Variants in ATRNL1 observed in about 807,000 individuals in gnomAD.
The protein encoded by ATRNL1 is attractin like 1.
In ATRNL1, 95 loss-of-function variants were observed where a neutral mutation model predicts 182.7. The observed-to-expected ratio is 0.52, with a 90% confidence interval of 0.44 to 0.62. ATRNL1 has a LOEUF of 0.62. Ranked by LOEUF, ATRNL1 falls within the 20% of genes least tolerant of loss-of-function variation. ATRNL1 has a pLI of 0.00. For synonymous variants in ATRNL1, 576 were observed against 568.3 expected, an observed-to-expected ratio of 1.01 and a Z score of -0.19; for missense variants, 1,471 against 1,679.5, an observed-to-expected ratio of 0.88 and a Z score of 2.17.
intron 1 of ATRNL1, among the ~76,000 whole-genome samples, chr10:115,094,938 C>T (rs2084974062): frequency 6.6e-6 from 1 of 152,192 alleles, no homozygotes; most frequent in South Asian, 2.1e-4. Context: ...AATTCACTGT[C>T]AGCTTTTGTG....
chr10:115,471,531 G>T (rs80177897), intron 24 of ATRNL1, among the ~76,000 whole-genome samples: 2 of 150,940 alleles, frequency 1.3e-5, no homozygotes, highest in Non-Finnish European at 3.0e-5. Flanking sequence ...TTTGATAATG[G>T]CCATCATAAC....
chr10:115,483,992 A>C (rs1482212627), intron 24 of ATRNL1, among the ~76,000 whole-genome samples: 1 of 151,574 alleles, frequency 6.6e-6, no homozygotes, highest in Non-Finnish European at 1.5e-5. Context: ...CATTTGTAAG[A>C]ATTTGTAAGA....
At chr10:115,690,178 A>T in intron 26 of ATRNL1, among the ~76,000 whole-genome samples, 1 of 151,932 alleles carries the variant, frequency 6.6e-6, no homozygotes, top group Non-Finnish European at 1.5e-5. Flanking sequence ...GCGCTGTACC[A>T]TCCTTTCCCC....
chr10:115,435,525 G>A (rs1389691759), intron 21 of ATRNL1, among the ~76,000 whole-genome samples: 1 of 152,140 alleles, frequency 6.6e-6, no homozygotes, highest in Admixed American at 6.5e-5. Context: ...TACCCAGTAT[G>A]TGGTATTTTG....
intron 19 of ATRNL1, among the ~76,000 whole-genome samples, chr10:115,366,116 G>A (rs1273846445): frequency 6.6e-6 from 1 of 151,832 alleles, no homozygotes; most frequent in Non-Finnish European, 1.5e-5. Flanking sequence ...TTGACAGTGG[G>A]GTGTTAAAGT....
At position 115,727,292 on chromosome 10, in the gene ATRNL1, T is replaced by G. The variant is rs1228144102; in HGVS notation, c.3840T>G (p.Ala1280=). The change falls in exon 27 of 29, where the codon GCT becomes GCG. Residue 1280 remains alanine (A), a synonymous_variant. Coordinates refer to ENST00000355044, the MANE Select transcript of ATRNL1 (RefSeq NM_207303.4). ...AGCAGATGGCCAGCCGTCCCTTTGC[T>G]TCTGTTGATGTAGCTCTGGAAGTGG... is the stretch of plus-strand genomic sequence containing the variant. ...ERQQMASRPF[A]SVDVALEVGA... 2.5e-6 allele frequency: 4 copies of G among 1,614,050 alleles called. No individual in the cohort carries two copies. In the African/African-American group the frequency reaches 5.3e-5, roughly 22 times the overall value.
intron 28 of ATRNL1, among the ~76,000 whole-genome samples, chr10:115,858,578 G>C (rs1172868418): frequency 1.3e-5 from 2 of 152,174 alleles, no homozygotes; most frequent in Admixed American, 1.3e-4. Context: ...AGGAAAAATA[G>C]CTAATGCATG....
chr10:115,750,535 T>G (rs566646717), intron 27 of ATRNL1, among the ~76,000 whole-genome samples: 1 of 151,942 alleles, frequency 6.6e-6, no homozygotes, highest in South Asian at 2.1e-4. Context: ...TGAATTACTC[T>G]GTAACCTCAG....
intron 21 of ATRNL1, among the ~76,000 whole-genome samples, chr10:115,451,647 C>T (rs678632): frequency 0.096 from 14,646 of 152,016 alleles, 2,338 homozygotes; most frequent in African/African-American, 0.33. Context: ...AGGGAGCACT[C>T]ATACACTGTT....
At chr10:115,228,826 C>T (rs151276469) in intron 9 of ATRNL1, among the ~76,000 whole-genome samples, 1,735 of 146,312 alleles carry the variant, frequency 0.012, 33 homozygotes, top group African/African-American at 0.04. Context: ...AGTGCAGTGG[C>T]ACAATCTCGG....
intron 17 of ATRNL1, among the ~76,000 whole-genome samples, chr10:115,302,574 T>G (rs1853527378): frequency 6.6e-6 from 1 of 152,208 alleles, no homozygotes. Flanking sequence ...ATGCACAGTC[T>G]TGAAATCACA....
chr10:115,914,731 C>T (rs1479791515), intron 28 of ATRNL1, among the ~76,000 whole-genome samples: 5 of 152,118 alleles, frequency 3.3e-5, no homozygotes, highest in African/African-American at 7.2e-5. Context: ...GTTTCTTTTC[C>T]CGATTGTTCA....
At chr10:115,106,878 G>A (rs1050927682) in intron 1 of ATRNL1, among the ~76,000 whole-genome samples, 1 of 152,146 alleles carries the variant, frequency 6.6e-6, no homozygotes, top group Non-Finnish European at 1.5e-5. Flanking sequence ...AATGAATAGA[G>A]ATATATTGGC....
intron 21 of ATRNL1, among the ~76,000 whole-genome samples, chr10:115,448,826 C>G (rs903530950): frequency 4.6e-5 from 7 of 151,840 alleles, no homozygotes; most frequent in Non-Finnish European, 1.0e-4. Context: ...ACTGCAATTA[C>G]TTTTGCTCCA....
At chr10:115,327,423 A>C (rs1199307575) in intron 18 of ATRNL1, among the ~76,000 whole-genome samples, 27 of 152,192 alleles carry the variant, frequency 1.8e-4, no homozygotes, top group Non-Finnish European at 1.3e-4. Context: ...AGTCATTCAA[A>C]AGTCAGGAAA....
intron 28 of ATRNL1, among the ~76,000 whole-genome samples, chr10:115,899,716 T>C (rs1952304306): frequency 6.6e-6 from 1 of 152,202 alleles, no homozygotes; most frequent in East Asian, 1.9e-4. Flanking sequence ...ATAGTGATTG[T>C]CTTGAGACGC....
At chr10:115,360,576 A>G (rs1434165792) in intron 19 of ATRNL1, among the ~76,000 whole-genome samples, 2 of 149,206 alleles carry the variant, frequency 1.3e-5, no homozygotes, top group Non-Finnish European at 3.0e-5. Context: ...GATTGTGCCA[A>G]TTGTCTCAAT....
At chr10:115,453,542 T>C (rs1421636368) in intron 21 of ATRNL1, among the ~76,000 whole-genome samples, 1 of 152,134 alleles carries the variant, frequency 6.6e-6, no homozygotes, top group Non-Finnish European at 1.5e-5. Context: ...TGATGTAATT[T>C]CAGTTGTCAA....
chr10:115,408,929 G>C (rs1213482530), intron 20 of ATRNL1, among the ~76,000 whole-genome samples: 2 of 152,028 alleles, frequency 1.3e-5, no homozygotes, highest in Non-Finnish European at 2.9e-5. Context: ...ATTGATCTAT[G>C]TGTCTGTTTT....
Sources: allele counts gnomAD v4.1 joint callset (sites outside exome capture counted in the v4.1 genomes callset), GRCh38; gene constraint gnomAD v4.1.1; transcripts MANE v1.5; gene names NCBI Gene and HGNC (gene_info 2026-07-23, HGNC 2026-07-21).